Variants in FBXL18 observed in about 807,000 individuals in gnomAD.
The protein encoded by FBXL18 is F-box and leucine rich repeat protein 18, also known as F-box/LRR-repeat protein 18.
Under a neutral mutation model 46.0 loss-of-function variants are expected in FBXL18, and 36 were observed. The observed-to-expected ratio is 0.78, with a 90% CI of 0.60 to 1.03. The LOEUF (loss-of-function observed/expected upper bound fraction) is 1.03. Ranked by LOEUF, FBXL18 falls within the 50% of genes least tolerant of loss-of-function variation. The pLI is 0.00. For synonymous variants in FBXL18, 557 were observed against 465.3 expected, an observed-to-expected ratio of 1.20 and a Z score of -2.54; for missense variants, 977 against 1,004.1, an observed-to-expected ratio of 0.97 and a Z score of 0.36.
intron 4 of FBXL18, chr7:5,489,682 G>C (rs1364906551): frequency 4.4e-6 from 1 of 225,774 alleles, no homozygotes; most frequent in Admixed American, 5.2e-5. Context: ...GGGAGGTTGA[G>C]GCAGGAGAAT....
At chr7:5,484,304 A>G (rs1783719697) in intron 4 of FBXL18, among the ~76,000 whole-genome samples, 1 of 151,902 alleles carries the variant, frequency 6.6e-6, no homozygotes, top group Non-Finnish European at 1.5e-5. Context: ...CGTCTCTACT[A>G]AAAATACAAA....
intron 2 of FBXL18, among the ~76,000 whole-genome samples, chr7:5,505,049 C>T (rs996229728): frequency 2.0e-5 from 3 of 151,590 alleles, no homozygotes; most frequent in South Asian, 4.2e-4. Flanking sequence ...AAATGGTGCC[C>T]TCCCACTGCA....
At chr7:5,475,771 C>T (rs1333096169), downstream of FBXL18, 1 of 152,182 alleles carries the variant, frequency 6.6e-6, no homozygotes, top group South Asian at 2.1e-4. This position sits in a 1 kb window ranked among gnomAD's most constrained non-coding sequence, Gnocchi z 4.2. Flanking sequence ...TCAAAGTATC[C>T]GTGCTGGAAG....
chr7:5,504,468 C>A lies in FBXL18; in HGVS notation c.237+944G>T, dbSNP rs1163065905. On this transcript the variant is annotated intron_variant, in intron 2 of 4. Coordinates refer to ENST00000382368, the MANE Select transcript of FBXL18 (RefSeq NM_024963.6). ...TACAGGCTCCCACCACCATGCCCAG[C>A]TAATTTTTTGTATTTTTTGTAGAGA... Among the ~76,000 whole-genome samples the A allele has an allele frequency of 2.1e-5, 3 of 145,226 alleles. No homozygotes were observed. In the East Asian group the frequency reaches 6.7e-4, roughly 33 times the overall value.
chr7:5,500,775 G>C lies in FBXL18; in HGVS notation c.1494C>G (p.Ala498=). ...GGATGGCGGGCTCGTTGCGGGGCAT[G>C]GCGGAGGAGAAGTTGGACCCAATCA... ...LELIGSNFSS[A]MPRNEPAIRN... Residue 498 remains alanine (A), a synonymous_variant, in exon 3 of 5, where the codon GCC becomes GCG. Coordinates refer to ENST00000382368, the MANE Select transcript of FBXL18 (RefSeq NM_024963.6). 1 of 1,612,642 alleles carries C rather than the reference G, an allele frequency of 6.2e-7. No homozygotes were observed. Among genetic ancestry groups the C allele is most frequent in the Non-Finnish European group, 8.5e-7 (1 of 1,179,772 alleles).
intron 4 of FBXL18, among the ~76,000 whole-genome samples, chr7:5,457,929 G>A (rs371113495): frequency 7.7e-4 from 117 of 152,244 alleles, no homozygotes; most frequent in African/African-American, 2.8e-3. Context: ...TTCTCTCAGC[G>A]AGAGCGCTGC....
At chr7:5,498,008 C>G (rs1455272660) in intron 3 of FBXL18, among the ~76,000 whole-genome samples, 2 of 152,172 alleles carry the variant, frequency 1.3e-5, no homozygotes, top group East Asian at 3.8e-4. Context: ...TCTCCCCCAC[C>G]CAGTCCCTGG....
chr7:5,468,542 C>T (rs1335779741), intron 4 of FBXL18, among the ~76,000 whole-genome samples: 2 of 152,120 alleles, frequency 1.3e-5, no homozygotes, highest in Admixed American at 1.3e-4. Flanking sequence ...TTCTACTTTT[C>T]GGAAATTTTC....
chr7:5,489,235 T>C, intron 4 of FBXL18: 1 of 518,880 alleles, frequency 1.9e-6, no homozygotes, highest in Non-Finnish European at 3.8e-6. Flanking sequence ...GGTGTAGTGT[T>C]ACATTTTTAA....
Position 5,497,486 on chromosome 7 carries a change from T to C in FBXL18, c.1781+3002A>G, listed in dbSNP as rs188175707. On this transcript the variant is annotated intron_variant, in intron 3 of 4. Coordinates refer to ENST00000382368, the MANE Select transcript of FBXL18 (RefSeq NM_024963.6). ...GCTCTGCCATTTGAAAGTCCTGGGTTTGATCCTGCGCTTCTCAACCCAACA... is the reference window on the plus strand; with the variant it reads ...GCTCTGCCATTTGAAAGTCCTGGGTCTGATCCTGCGCTTCTCAACCCAACA... Among the ~76,000 whole-genome samples, 75 of 152,284 alleles carry C rather than the reference T, an allele frequency of 4.9e-4. 1 individual carries two copies. Among genetic ancestry groups the C allele is most frequent in the African/African-American group, 1.5e-3 (63 of 41,564 alleles).
chr7:5,490,844 A>G (rs1783902745), intron 4 of FBXL18, among the ~76,000 whole-genome samples: 1 of 152,214 alleles, frequency 6.6e-6, no homozygotes, highest in Non-Finnish European at 1.5e-5. Context: ...CTGTAATCCC[A>G]GCTACTCAGG....
At chr7:5,494,510 TTTG>T (rs1424381846) in intron 3 of FBXL18, among the ~76,000 whole-genome samples, 8 of 152,196 alleles carry the variant, frequency 5.3e-5, no homozygotes, top group Non-Finnish European at 1.5e-5. Context: ...CTATATTTGT[TTTG>T]TTAAGCTATT....
intron 4 of FBXL18, among the ~76,000 whole-genome samples, chr7:5,467,509 G>A (rs1484128041): frequency 3.3e-5 from 5 of 151,034 alleles, no homozygotes. Context: ...TCACACCACC[G>A]CACCCCAGCC....
intron 4 of FBXL18, among the ~76,000 whole-genome samples, chr7:5,466,500 G>A (rs1783342764): frequency 6.6e-6 from 1 of 152,162 alleles, no homozygotes; most frequent in South Asian, 2.1e-4. Flanking sequence ...TCCAGCAACT[G>A]CCCGTGTTTC....
chr7:5,463,051 C>A (rs540781934), intron 4 of FBXL18, among the ~76,000 whole-genome samples: 5 of 138,858 alleles, frequency 3.6e-5, no homozygotes, highest in African/African-American at 1.3e-4. Context: ...CAAAGAAGCC[C>A]AACCTTATTA....
At chr7:5,463,002 T>TATATATATATAC in intron 4 of FBXL18, among the ~76,000 whole-genome samples, 1 of 87,576 alleles carries the variant, frequency 1.1e-5, no homozygotes, top group Middle Eastern at 7.6e-3. Flanking sequence ...ATATAATATA[T>TATATATATATAC]ATACACACAC....
intron 2 of FBXL18, among the ~76,000 whole-genome samples, chr7:5,504,697 C>T (rs537539316): frequency 1.1e-4 from 17 of 148,888 alleles, no homozygotes; most frequent in South Asian, 1.0e-3. Context: ...GGGCAGATCA[C>T]GAGGTCAGGA....
Position 5,488,313 on chromosome 7 carries a change from G to A in FBXL18, c.2000+2918C>T, listed in dbSNP as rs1783827460. Reference sequence around the variant, plus strand: ...CTGGCATCCGGTGCCACGTCCAACCGACCCGCCTGTAGCGCCATGCAGAGA... The same window carrying A: ...CTGGCATCCGGTGCCACGTCCAACCAACCCGCCTGTAGCGCCATGCAGAGA... On this transcript the variant is annotated intron_variant, in intron 4 of 4. Transcript: ENST00000382368. Among the ~76,000 whole-genome samples the A allele has an allele frequency of 3.3e-5, 5 of 152,310 alleles. No homozygotes were observed. In the South Asian group the frequency reaches 6.2e-4, roughly 19 times the overall value.
In FBXL18 at chr7:5,455,685, A is replaced by G. The variant is rs574157859; in HGVS notation, c.2001-7842T>C. Among the ~76,000 whole-genome samples the G allele has an allele frequency of 3.3e-5, 5 of 152,078 alleles. No homozygotes were observed. Among genetic ancestry groups the G allele is most frequent in the African/African-American group, 9.6e-5 (4 of 41,472 alleles). ...CAGGGGGGCTCAAACCCAGGCTGTGAATTCGGGGAAGTGGGAAACAGAACT... is the reference window on the plus strand; with the variant it reads ...CAGGGGGGCTCAAACCCAGGCTGTGGATTCGGGGAAGTGGGAAACAGAACT... On this transcript the variant is annotated intron_variant and NMD_transcript_variant, in intron 4 of 6. Coordinates refer to the FBXL18 transcript ENST00000415009. The surrounding 1 kb of genome is among the most constrained non-coding windows in gnomAD (Gnocchi z 4.6).
Sources: gnomAD v4.1 joint callset for allele counts (sites outside exome capture counted in the v4.1 genomes callset) on GRCh38, gnomAD v4.1.1 for gene constraint, Gnocchi (gnomAD v3.1) non-coding constraint, MANE v1.5 for transcripts, NCBI Gene and HGNC (gene_info 2026-07-23, HGNC 2026-07-21) for gene names.